Variants in ZNF804A observed in about 807,000 individuals in gnomAD.
ZNF804A encodes zinc finger protein 804A.
A neutral mutation model predicts 16.5 loss-of-function variants in ZNF804A; 2 were observed. The observed-to-expected ratio is 0.12, with a 90% CI of 0.05 to 0.38. ZNF804A has a LOEUF of 0.38. Among genes scored for constraint, ZNF804A ranks in the 10% least tolerant of loss-of-function variants. The pLI is 0.99. For missense variants in ZNF804A, 1,473 were observed against 1,390.7 expected (o/e 1.06, Z -0.94); for synonymous variants, 534 against 489.6 (o/e 1.09, Z -1.20).
At chr2:184,757,522 A>T (rs1693976933) in intron 1 of ZNF804A, among the ~76,000 whole-genome samples, 1 of 152,010 alleles carries the variant, frequency 6.6e-6, no homozygotes, top group Non-Finnish European at 1.5e-5. Context: ...TTTAAAGACC[A>T]AGTCATCTTA....
intron 1 of ZNF804A, among the ~76,000 whole-genome samples, chr2:184,746,087 G>A (rs1181705111): frequency 6.6e-6 from 1 of 151,018 alleles, no homozygotes; most frequent in Non-Finnish European, 1.5e-5. Context: ...AATGTTTACT[G>A]AAACATAATA....
chr2:184,818,500 A>G (rs1168049261), intron 1 of ZNF804A, among the ~76,000 whole-genome samples: 1 of 151,930 alleles, frequency 6.6e-6, no homozygotes, highest in African/African-American at 2.4e-5. Flanking sequence ...CCACATAAAC[A>G]AGTCTGCAAA....
chr2:184,605,145 A>G (rs1691123047), intron 1 of ZNF804A, among the ~76,000 whole-genome samples: 1 of 152,164 alleles, frequency 6.6e-6, no homozygotes, highest in Non-Finnish European at 1.5e-5. Flanking sequence ...TGGCATTGAA[A>G]TAGTTTCCTA....
intron 1 of ZNF804A, among the ~76,000 whole-genome samples, chr2:184,809,442 A>G (rs184389698): frequency 2.0e-5 from 3 of 151,940 alleles, no homozygotes; most frequent in African/African-American, 7.2e-5. Context: ...AGGAGGCACA[A>G]AGATTTAAAA....
intron 1 of ZNF804A, among the ~76,000 whole-genome samples, chr2:184,614,604 A>G (rs985637797): frequency 1.3e-5 from 2 of 152,204 alleles, no homozygotes; most frequent in African/African-American, 4.8e-5. Context: ...AACTCTCACA[A>G]TTAATTTGGA....
intron 1 of ZNF804A, among the ~76,000 whole-genome samples, chr2:184,787,864 A>G (rs1694472868): frequency 6.8e-6 from 1 of 147,168 alleles, no homozygotes; most frequent in African/African-American, 2.5e-5. Flanking sequence ...ATTTGTCTAT[A>G]TTTGTTTTTG....
chr2:184,620,623 T>C lies in ZNF804A; in HGVS notation c.111+21553T>C, dbSNP rs1229873228. On this transcript the variant is annotated intron_variant, in intron 1 of 3. Coordinates refer to ENST00000302277, the MANE Select transcript of ZNF804A (RefSeq NM_194250.2). Reference sequence around the variant, plus strand: ...TCATCAGGGTATGGAATCACACATATTATTTTTGCTTGAGCCTGTTGAAAG... The same window carrying C: ...TCATCAGGGTATGGAATCACACATACTATTTTTGCTTGAGCCTGTTGAAAG... 4.6e-5 allele frequency among the ~76,000 whole-genome samples: 7 copies of C among 151,856 alleles called. No individual in the cohort carries two copies. The East Asian group carries it at 1.2e-3, about 25-fold the overall frequency.
intron 1 of ZNF804A, among the ~76,000 whole-genome samples, chr2:184,818,864 A>G (rs946097073): frequency 6.6e-6 from 1 of 152,128 alleles, no homozygotes; most frequent in Non-Finnish European, 1.5e-5. Flanking sequence ...AGACCTAACT[A>G]TTCTAAATAT....
At chr2:184,765,065 G>A (rs1694097467) in intron 1 of ZNF804A, among the ~76,000 whole-genome samples, 2 of 152,120 alleles carry the variant, frequency 1.3e-5, no homozygotes, top group East Asian at 1.9e-4. Flanking sequence ...GTAGTTTCAA[G>A]CCAGATTCTG....
chr2:184,793,290 G>A lies in ZNF804A; in HGVS notation c.112-73079G>A, dbSNP rs139360310. The stretch of plus-strand genomic sequence containing the variant: ...TGTACTTTCCTTTGGATATATACCC[G>A]GAAATGAGATTGCTGAGTCAAACAG... On this transcript the variant is annotated intron_variant, in intron 1 of 3. Coordinates refer to ENST00000302277, the MANE Select transcript of ZNF804A (RefSeq NM_194250.2). Among the ~76,000 whole-genome samples, 1,032 of 152,082 alleles carry A rather than the reference G, an allele frequency of 6.8e-3. 14 individuals are homozygous for A. Among genetic ancestry groups the A allele is most frequent in the African/African-American group, 0.02 (827 of 41,492 alleles).
chr2:184,866,236 G>T, intron 1 of ZNF804A, 133 bp from the exon 2 acceptor site: 2 of 684,554 alleles, frequency 2.9e-6, no homozygotes, highest in South Asian at 3.0e-5. Flanking sequence ...TGGTTTTCTA[G>T]TATTTGCTTT....
At chr2:184,875,135 A>G (rs1374822436) in intron 2 of ZNF804A, among the ~76,000 whole-genome samples, 1 of 152,222 alleles carries the variant, frequency 6.6e-6, no homozygotes, top group Non-Finnish European at 1.5e-5. Context: ...CTTTTTAAAA[A>G]GATGGAAGTC....
chr2:184,806,567 G>T (rs1558966994), intron 1 of ZNF804A, among the ~76,000 whole-genome samples: 2 of 151,646 alleles, frequency 1.3e-5, no homozygotes, highest in African/African-American at 2.4e-5. Context: ...AGGACAAATT[G>T]TCATGACATA....
chr2:184,780,681 G>A (rs1223103228), intron 1 of ZNF804A, among the ~76,000 whole-genome samples: 1 of 151,746 alleles, frequency 6.6e-6, no homozygotes, highest in Non-Finnish European at 1.5e-5. Context: ...GTGAAACGAA[G>A]AAAAGCTTTT....
chr2:184,756,872 T>C (rs1693966762), intron 1 of ZNF804A, among the ~76,000 whole-genome samples: 2 of 152,090 alleles, frequency 1.3e-5, no homozygotes, highest in Admixed American at 1.3e-4. Context: ...ATAACTGATA[T>C]GTTGAACACA....
Position 184,937,581 on chromosome 2 carries a change from A to G in ZNF804A, c.2185A>G (p.Met729Val), listed in dbSNP as rs913972593. The G allele has an allele frequency of 1.9e-6, 3 of 1,612,392 alleles. No homozygotes were observed. The highest frequency in any genetic ancestry group is 2.5e-6 in the Non-Finnish European group (3 of 1,179,594). ...SRTYCCWKTK[M>V]SSCSQDHRSL... ...AACTTACTGTTGTTGGAAAACCAAA[A>G]TGTCAAGCTGTAGTCAGGATCACAG... Residue 729 changes from methionine (M) to valine (V), a missense_variant, in exon 4 of 4, where the codon ATG becomes GTG. Met to Val is a conservative substitution (Grantham distance 21). Transcript: ENST00000302277.
At chr2:184,819,718 A>G (rs973009908) in intron 1 of ZNF804A, among the ~76,000 whole-genome samples, 9 of 152,066 alleles carry the variant, frequency 5.9e-5, no homozygotes, top group African/African-American at 2.2e-4. Context: ...TGACACAATC[A>G]GAAAGGATAA....
At chr2:184,769,947 A>T (rs10194285) in intron 1 of ZNF804A, among the ~76,000 whole-genome samples, 1 of 151,908 alleles carries the variant, frequency 6.6e-6, no homozygotes, top group African/African-American at 2.4e-5. Flanking sequence ...TAGAGAGATA[A>T]TTTTTCCTTT....
chr2:184,890,130 T>C (rs1323559320), intron 2 of ZNF804A, among the ~76,000 whole-genome samples: 4 of 152,176 alleles, frequency 2.6e-5, no homozygotes, highest in Non-Finnish European at 5.9e-5. Context: ...AAGGAAAGTA[T>C]GATTCATGTC....
Sources: allele counts gnomAD v4.1 joint callset (sites outside exome capture counted in the v4.1 genomes callset), GRCh38; gene constraint gnomAD v4.1.1; transcripts MANE v1.5; gene names NCBI Gene and HGNC (gene_info 2026-07-23, HGNC 2026-07-21).